BARD1: variants seen among roughly 807,000 people sequenced by gnomAD.
BARD1 encodes the protein BRCA1-associated RING domain protein 1.
Under a neutral mutation model 77.0 loss-of-function variants are expected in BARD1, and 73 were observed. That is an observed-to-expected ratio of 0.95 (90% confidence interval 0.79 to 1.15). The LOEUF is 1.15. Ranked by LOEUF, BARD1 falls within the 50% of genes most tolerant of loss-of-function variation. The pLI is 0.00. For missense variants in BARD1, 993 were observed against 938.8 expected (o/e 1.06, Z -0.75); for synonymous variants, 384 against 338.0 (o/e 1.14, Z -1.49).
At chr2:214,765,343 C>T (rs1694147277) in intron 6 of BARD1, among the ~76,000 whole-genome samples, 1 of 152,148 alleles carries the variant, frequency 6.6e-6, no homozygotes, top group African/African-American at 2.4e-5. Flanking sequence ...TTAATAAGCC[C>T]TCACAGTGCA....
At chr2:214,799,736 C>T (rs889120951) in intron 1 of BARD1, among the ~76,000 whole-genome samples, 11 of 152,274 alleles carry the variant, frequency 7.2e-5, no homozygotes, top group African/African-American at 2.4e-4. Context: ...GATCATACCT[C>T]CCATTCTACC....
At chr2:214,792,989 G>C (rs192889789) in intron 2 of BARD1, among the ~76,000 whole-genome samples, 1 of 152,108 alleles carries the variant, frequency 6.6e-6, no homozygotes, top group East Asian at 1.9e-4. Context: ...TCTAATTTTG[G>C]GGTTTATAGA....
chr2:214,808,439 A>T (rs1696380270), intron 1 of BARD1, among the ~76,000 whole-genome samples: 1 of 152,234 alleles, frequency 6.6e-6, no homozygotes, highest in Non-Finnish European at 1.5e-5. Flanking sequence ...AAGTTGTGTT[A>T]CTTATACTTT....
Position 214,751,142 on chromosome 2 carries a change from TATATA to T in BARD1, c.1677+1300_1677+1304del, listed in dbSNP as rs1394430851. On this transcript the variant is annotated intron_variant, in intron 7 of 10. Coordinates refer to ENST00000260947, the MANE Select transcript of BARD1 (RefSeq NM_000465.4). The stretch of plus-strand genomic sequence containing the variant: ...GTATATATATATATATATATATATA[TATATA>T]TATATTTTTTTTTTTTTTTTTTTTT... Among the ~76,000 whole-genome samples, 328 of 46,336 alleles carry T rather than the reference TATATA, an allele frequency of 7.1e-3. 2 individuals are homozygous for T. Among genetic ancestry groups the T allele is most frequent in the Non-Finnish European group, 0.011 (238 of 21,464 alleles). The allele number at this position is 46,336 out of a possible 152,430, so 30.4% of individuals were successfully genotyped here.
Position 214,726,907 on chromosome 2 carries a change from G to A in BARD1, c.*1769C>T, listed in dbSNP as rs554488861. 64 of 228,858 alleles carry A rather than the reference G, an allele frequency of 2.8e-4. No homozygotes were observed. Among genetic ancestry groups the A allele is most frequent in the African/African-American group, 1.4e-3 (62 of 45,232 alleles). 14.2% of individuals were successfully genotyped at this position (228,858 alleles called of 1,614,324 possible). A position where few individuals can be genotyped will look rare whatever the true frequency, so the allele number is the denominator to read the frequency against. On this transcript the variant is annotated 3_prime_UTR_variant, in exon 11 of 11. Transcript: ENST00000260947. ...ACCTCATAGGTGTCTTTACAATCAG[G>A]AATTCAGATGCAAGGAACAGACACA...
chr2:214,753,376 G>C (rs1427452972), intron 6 of BARD1, among the ~76,000 whole-genome samples: 1 of 152,084 alleles, frequency 6.6e-6, no homozygotes, highest in Non-Finnish European at 1.5e-5. Flanking sequence ...TTCAGAATAT[G>C]ATTTAAATAC....
At chr2:214,740,336 C>A (rs760035667) in intron 9 of BARD1, among the ~76,000 whole-genome samples, 18 of 152,082 alleles carry the variant, frequency 1.2e-4, no homozygotes, top group Non-Finnish European at 2.2e-4. Flanking sequence ...CCTTCCCTAT[C>A]CAATTAATCG....
rs553179189 is a variant in BARD1 at position 214,753,701 on chromosome 2, C to A, written c.1569-1146G>T. Among the ~76,000 whole-genome samples the A allele has an allele frequency of 1.4e-4, 22 of 152,232 alleles. No individual in the cohort carries two copies. The East Asian group carries it at 3.9e-3, about 27-fold the overall frequency. ...TATAAGCATCTACTGAGTTCACAGA[C>A]AAGGTCACTAATGACCTTGGTGAAA... On this transcript the variant is annotated intron_variant, in intron 6 of 10. Coordinates refer to ENST00000260947, the MANE Select transcript of BARD1 (RefSeq NM_000465.4).
chr2:214,802,870 G>T (rs1169128241), intron 1 of BARD1, among the ~76,000 whole-genome samples: 1 of 152,150 alleles, frequency 6.6e-6, no homozygotes, highest in Non-Finnish European at 1.5e-5. Context: ...AACTTTACAT[G>T]TAGTTGATTT....
chr2:214,745,010 C>G (rs1693030222), intron 9 of BARD1, 57 bp downstream of exon 9: 1 of 1,427,662 alleles, frequency 7.0e-7, no homozygotes, highest in Non-Finnish European at 9.9e-7. Flanking sequence ...CATTAATAAC[C>G]ATGAAAAACA....
chr2:214,808,228 T>G (rs1696366347), intron 1 of BARD1, among the ~76,000 whole-genome samples: 1 of 152,000 alleles, frequency 6.6e-6, no homozygotes. Flanking sequence ...GCTAACACGG[T>G]GAAACCCCAT....
At chr2:214,788,153 G>A (rs1458948460) in intron 3 of BARD1, among the ~76,000 whole-genome samples, 1 of 151,252 alleles carries the variant, frequency 6.6e-6, no homozygotes, top group Non-Finnish European at 1.5e-5. Context: ...AATAGAAAAG[G>A]AAATTGTAAT....
intron 9 of BARD1, among the ~76,000 whole-genome samples, chr2:214,737,058 C>T (rs1692598263): frequency 2.6e-5 from 4 of 151,956 alleles, no homozygotes; most frequent in African/African-American, 7.3e-5. Flanking sequence ...GCTGTTATAG[C>T]ATAGAAAATC....
chr2:214,740,581 T>TAA (rs1692777823), intron 9 of BARD1, among the ~76,000 whole-genome samples: 1 of 152,056 alleles, frequency 6.6e-6, no homozygotes. Flanking sequence ...TTGATGTGTT[T>TAA]AAAATTTAAA....
At position 214,769,306 on chromosome 2, in the gene BARD1, T is replaced by C. The variant is rs756180801; in HGVS notation, c.1321A>G (p.Ile441Val). The part of the protein sequence containing the change: ...LLHIASIKGD[I>V]PSVEYLLQNG... ...TGTAAAAGGTATTCAACAGAAGGTA[T>C]GTCGCCCTAGAAAAATGAACAAAAC... The change falls in exon 5 of 11, where the codon ATA (isoleucine) becomes GTA (valine). Residue 441 changes from isoleucine to valine, a missense_variant. Physicochemically the swap from Ile to Val is conservative, Grantham distance 29. Transcript: ENST00000260947. 1.2e-6 allele frequency: 2 copies of C among 1,612,736 alleles called. No individual in the cohort carries two copies. The highest frequency in any genetic ancestry group is 1.7e-6 in the Non-Finnish European group (2 of 1,178,804).
intron 3 of BARD1, 98 bp from the exon 4 acceptor site, chr2:214,781,607 C>G: frequency 2.2e-6 from 2 of 904,698 alleles, no homozygotes; most frequent in Non-Finnish European, 3.4e-6. Flanking sequence ...TAAAGTGTAT[C>G]ATCTTTTAAT....
chr2:214,780,437 G>T, intron 4 of BARD1, 123 bp downstream of exon 4: 1 of 847,252 alleles, frequency 1.2e-6, no homozygotes, highest in South Asian at 1.5e-5. Flanking sequence ...TGGTTCAGAG[G>T]AAGTATCATG....
At chr2:214,732,627 C>T (rs1245345381) in intron 9 of BARD1, among the ~76,000 whole-genome samples, 2 of 152,102 alleles carry the variant, frequency 1.3e-5, no homozygotes, top group African/African-American at 2.4e-5. Flanking sequence ...GATCTCCTGA[C>T]CTCGTGATCT....
chr2:214,772,310 A>T (rs953029588), intron 4 of BARD1, among the ~76,000 whole-genome samples: 6 of 151,946 alleles, frequency 3.9e-5, no homozygotes, highest in African/African-American at 9.6e-5. Context: ...CAAGATACAA[A>T]TTTTTTTTTC....
Sources: allele counts gnomAD v4.1 joint callset (sites outside exome capture counted in the v4.1 genomes callset), GRCh38; gene constraint gnomAD v4.1.1; transcripts MANE v1.5; gene names NCBI Gene and HGNC (gene_info 2026-07-23, HGNC 2026-07-21).